The following MAD1L1 variants were observed in gnomAD, a reference collection of about 807,000 sequenced individuals.
MAD1L1 encodes mitotic arrest deficient 1 like 1.
Under a neutral mutation model 96.9 loss-of-function variants are expected in MAD1L1, and 95 were observed. The observed-to-expected ratio is 0.98, with a 90% CI of 0.83 to 1.16. The LOEUF is 1.16. Among genes scored for constraint, MAD1L1 ranks in the 50% most tolerant of loss-of-function variants. The pLI is 0.00. For missense variants in MAD1L1, 1,007 were observed against 954.4 expected, an observed-to-expected ratio of 1.06 and a Z score of -0.73; for synonymous variants, 473 against 396.6, an observed-to-expected ratio of 1.19 and a Z score of -2.29.
Position 2,015,778 on chromosome 7 carries a change from G to A in MAD1L1, c.1219-1136C>T, listed in dbSNP as rs184565840. On this transcript the variant is annotated intron_variant, in intron 12 of 18. Transcript: ENST00000265854. ...CCTCCAGACACCCACCCAGGTGTGC[G>A]GGAGGGCAGCTTCCAGATCTTCACG... Among the ~76,000 whole-genome samples, 10 of 152,336 alleles carry A rather than the reference G, an allele frequency of 6.6e-5. No individual in the cohort carries two copies. The East Asian group carries it at 9.7e-4, about 15-fold the overall frequency.
chr7:1,895,360 C>G (rs1035152474), intron 18 of MAD1L1, among the ~76,000 whole-genome samples: 1 of 152,160 alleles, frequency 6.6e-6, no homozygotes, highest in Non-Finnish European at 1.5e-5. Flanking sequence ...GCCAGCACCC[C>G]CCTGGCAACA....
chr7:1,909,262 G>C (rs112093341), intron 17 of MAD1L1, among the ~76,000 whole-genome samples: 2 of 152,168 alleles, frequency 1.3e-5, no homozygotes, highest in South Asian at 4.1e-4. Flanking sequence ...GGAGCCGCCC[G>C]AGTGTCCCTG....
intron 18 of MAD1L1, among the ~76,000 whole-genome samples, chr7:1,885,813 C>A (rs953753702): frequency 1.3e-5 from 2 of 152,330 alleles, no homozygotes; most frequent in East Asian, 3.9e-4. Context: ...TCTCTCCCTC[C>A]AGCCTGGCCC....
At chr7:1,829,845 G>T (rs879126104) in intron 18 of MAD1L1, among the ~76,000 whole-genome samples, 6 of 152,082 alleles carry the variant, frequency 3.9e-5, no homozygotes, top group African/African-American at 1.5e-4. Flanking sequence ...AATGACAACT[G>T]ACCGACAGAG....
chr7:1,861,260 C>T lies in MAD1L1; in HGVS notation c.1998+36940G>A, dbSNP rs372671392. 1.2e-4 allele frequency among the ~76,000 whole-genome samples: 19 copies of T among 152,244 alleles called. No individual in the cohort carries two copies. The East Asian group carries it at 1.9e-3, about 16-fold the overall frequency. On this transcript the variant is annotated intron_variant, in intron 18 of 18. Coordinates refer to ENST00000265854, the MANE Select transcript of MAD1L1 (RefSeq NM_001013836.2). Reference sequence around the variant, plus strand: ...GGTCCGGTGGGGGCTGGGCTGAGACCGGGCTGGTCCCCCTCTAGGCAAGGG... The same window carrying T: ...GGTCCGGTGGGGGCTGGGCTGAGACTGGGCTGGTCCCCCTCTAGGCAAGGG...
At chr7:2,087,943 C>T (rs934238053) in intron 11 of MAD1L1, among the ~76,000 whole-genome samples, 1 of 152,188 alleles carries the variant, frequency 6.6e-6, no homozygotes, top group African/African-American at 2.4e-5. Context: ...AATTCAACAG[C>T]CGGTGCCTCT....
intron 12 of MAD1L1, among the ~76,000 whole-genome samples, chr7:2,063,737 T>G (rs547784565): frequency 3.9e-5 from 6 of 152,316 alleles, no homozygotes; most frequent in African/African-American, 1.4e-4. Context: ...CCTCTTCCCG[T>G]GGGCACCACA....
chr7:2,165,940 T>C (rs1376042763), intron 10 of MAD1L1, among the ~76,000 whole-genome samples: 3 of 152,162 alleles, frequency 2.0e-5, no homozygotes, highest in African/African-American at 7.2e-5. Flanking sequence ...GGAACTCCAG[T>C]GTGGTTACTG....
chr7:2,049,773 A>G (rs1428081230), intron 12 of MAD1L1, among the ~76,000 whole-genome samples: 1 of 152,082 alleles, frequency 6.6e-6, no homozygotes, highest in African/African-American at 2.4e-5. Context: ...CAATGTCTGC[A>G]GGCACCAGAC....
intron 3 of MAD1L1, among the ~76,000 whole-genome samples, chr7:2,229,144 G>A (rs1405970733): frequency 3.9e-5 from 6 of 152,216 alleles, no homozygotes; most frequent in Non-Finnish European, 7.3e-5. Flanking sequence ...CTCTGAGAGC[G>A]CAGGAAGCCA....
At chr7:2,003,005 G>A (rs1445985520) in intron 13 of MAD1L1, among the ~76,000 whole-genome samples, 2 of 152,276 alleles carry the variant, frequency 1.3e-5, no homozygotes, top group African/African-American at 2.4e-5. Flanking sequence ...CTAGAACCTG[G>A]GAGGAAGGGC....
At chr7:2,024,616 C>T (rs1300185748) in intron 12 of MAD1L1, among the ~76,000 whole-genome samples, 1 of 152,232 alleles carries the variant, frequency 6.6e-6, no homozygotes, top group African/African-American at 2.4e-5. Context: ...TAGGCAAGTT[C>T]CCCTAATAAA....
At chr7:1,981,386 C>G (rs1054436049) in intron 14 of MAD1L1, among the ~76,000 whole-genome samples, 1 of 152,128 alleles carries the variant, frequency 6.6e-6, no homozygotes, top group Non-Finnish European at 1.5e-5. Context: ...AGGGCACAGA[C>G]GGGGGCCTGG....
chr7:1,906,567 T>C (rs981457336), intron 17 of MAD1L1, among the ~76,000 whole-genome samples: 4 of 152,226 alleles, frequency 2.6e-5, no homozygotes, highest in Admixed American at 6.5e-5. Context: ...AGGGCACAGA[T>C]TGTGGCGTCC....
intron 11 of MAD1L1, among the ~76,000 whole-genome samples, chr7:2,086,083 G>A (rs574603529): frequency 1.3e-5 from 2 of 152,306 alleles, no homozygotes; most frequent in South Asian, 4.1e-4. Flanking sequence ...TGCGGGGGAG[G>A]ACGGCAAGAC....
intron 18 of MAD1L1, among the ~76,000 whole-genome samples, chr7:1,862,037 T>C (rs1178444626): frequency 1.3e-5 from 2 of 152,162 alleles, no homozygotes; most frequent in South Asian, 2.1e-4. Flanking sequence ...AGTGAGTCTC[T>C]TGAAGGCCTC....
chr7:1,859,893 G>T (rs964041243), intron 18 of MAD1L1, among the ~76,000 whole-genome samples: 2 of 151,100 alleles, frequency 1.3e-5, no homozygotes, highest in Non-Finnish European at 2.9e-5. Context: ...CGGCGGGGCT[G>T]CCTCTGTCTC....
chr7:2,058,766 G>A (rs1784496991), intron 12 of MAD1L1, among the ~76,000 whole-genome samples: 1 of 123,284 alleles, frequency 8.1e-6, no homozygotes, highest in Non-Finnish European at 1.7e-5. Flanking sequence ...AGCAGGGCTG[G>A]AGAGGGAGTG....
intron 10 of MAD1L1, among the ~76,000 whole-genome samples, chr7:2,174,709 G>A (rs1790866910): frequency 6.6e-6 from 1 of 152,036 alleles, no homozygotes; most frequent in South Asian, 2.1e-4. Context: ...TTCACTGAAT[G>A]TGCTTCTTCC....
Sources: allele counts gnomAD v4.1 joint callset (sites outside exome capture counted in the v4.1 genomes callset), GRCh38; gene constraint gnomAD v4.1.1; transcripts MANE v1.5; gene names NCBI Gene and HGNC (gene_info 2026-07-23, HGNC 2026-07-21).